Variants in DMD observed in about 807,000 individuals in gnomAD.
DMD encodes mutant dystrophin.
In DMD, 63 loss-of-function variants were observed where a neutral mutation model predicts 330.1. That is an observed-to-expected ratio of 0.19 (90% CI 0.16 to 0.24). The LOEUF (loss-of-function observed/expected upper bound fraction) is 0.24, where lower values mean the gene tolerates loss of function less well. Ranked by LOEUF, DMD falls within the 10% of genes least tolerant of loss-of-function variation. The pLI is 1.00. For missense variants in DMD, 3,344 were observed against 2,684.1 expected (o/e 1.25, Z -5.43); for synonymous variants, 1,223 against 959.8 (o/e 1.27, Z -5.07).
At chrX:31,278,392 G>T (rs1053684600) in intron 62 of DMD, among the ~76,000 whole-genome samples, 6 of 111,220 alleles carry the variant, frequency 5.4e-5, no homozygotes, top group Non-Finnish European at 7.5e-5. Flanking sequence ...AGATTCAGGA[G>T]GGGGAGCAAG....
intron 2 of DMD, among the ~76,000 whole-genome samples, chrX:32,973,446 T>C (rs745533670): frequency 8.9e-6 from 1 of 112,105 alleles, no homozygotes; most frequent in East Asian, 2.8e-4. Context: ...GTGCCCTCCA[T>C]GGCAGGGTCA....
intron 17 of DMD, among the ~76,000 whole-genome samples, chrX:32,531,113 A>G (rs1237111995): frequency 1.8e-5 from 2 of 111,544 alleles, no homozygotes; most frequent in African/African-American, 6.5e-5. Flanking sequence ...TTTTACTTAC[A>G]CAGAAATATA....
In DMD at chrX:31,518,449, A is replaced by C. The variant is rs1168439624; in HGVS notation, c.8218-10996T>G. Among the ~76,000 whole-genome samples, 9 of 111,961 alleles carry C rather than the reference A, an allele frequency of 8.0e-5. No homozygotes were observed. In the Admixed American group the frequency reaches 8.5e-4, roughly 11 times the overall value. On this transcript the variant is annotated intron_variant, in intron 55 of 78. Transcript: ENST00000357033. Reference sequence around the variant, plus strand: ...GATCAGTGCCAACAGTAATCTTGAAAGACCTTAACATGCAAACCCTAGATT... The same window carrying C: ...GATCAGTGCCAACAGTAATCTTGAACGACCTTAACATGCAAACCCTAGATT...
intron 1 of DMD, among the ~76,000 whole-genome samples, chrX:33,106,527 A>G (rs1404950352): frequency 8.9e-6 from 1 of 112,427 alleles, no homozygotes; most frequent in Non-Finnish European, 1.9e-5. Flanking sequence ...GGGCATATTG[A>G]ATATTCCATA....
At chrX:31,572,038 T>C (rs763144172) in intron 55 of DMD, among the ~76,000 whole-genome samples, 1 of 110,930 alleles carries the variant, frequency 9.0e-6, no homozygotes, top group Non-Finnish European at 1.9e-5. Flanking sequence ...AGTAGTTGGC[T>C]TAATACCTCG....
chrX:32,331,403 A>G (rs1013884571), intron 41 of DMD, among the ~76,000 whole-genome samples: 1 of 111,808 alleles, frequency 8.9e-6, no homozygotes, highest in Non-Finnish European at 1.9e-5. Context: ...TTTTAATTTT[A>G]TCAGTAACAT....
At chrX:32,301,234 A>AAAAAG (rs1557268711) in intron 42 of DMD, among the ~76,000 whole-genome samples, 1 of 108,222 alleles carries the variant, frequency 9.2e-6, no homozygotes, top group African/African-American at 3.3e-5. Context: ...AAAAAAAAAA[A>AAAAAG]AAAAGAAAGA....
chrX:32,463,001 A>G (rs112493107), intron 25 of DMD, among the ~76,000 whole-genome samples: 309 of 111,705 alleles, frequency 2.8e-3, no homozygotes, highest in African/African-American at 8.0e-3. Context: ...CGAAGAGGCC[A>G]AACTTGGAAA....
chrX:32,892,412 A>G (rs1449531649), intron 2 of DMD, among the ~76,000 whole-genome samples: 1 of 111,909 alleles, frequency 8.9e-6, no homozygotes, highest in Non-Finnish European at 1.9e-5. Context: ...TGTTTCTTTG[A>G]GACAGAGTTC....
intron 59 of DMD, among the ~76,000 whole-genome samples, chrX:31,469,037 C>T (rs1291807882): frequency 9.0e-6 from 1 of 110,504 alleles, no homozygotes; most frequent in South Asian, 3.9e-4. Context: ...ATTCATCGAT[C>T]CCTTTATTTT....
At chrX:31,811,715 T>C (rs996640444) in intron 50 of DMD, among the ~76,000 whole-genome samples, 4 of 111,485 alleles carry the variant, frequency 3.6e-5, no homozygotes, top group Admixed American at 2.9e-4. Context: ...AGTATAGCCA[T>C]GTCGTAAGTG....
intron 55 of DMD, among the ~76,000 whole-genome samples, chrX:31,560,650 C>T (rs1029475041): frequency 9.0e-6 from 1 of 110,969 alleles, no homozygotes; most frequent in African/African-American, 3.3e-5. Context: ...ATTGGCTGGG[C>T]CCAGCATTTA....
At chrX:32,233,599 TTTTA>T (rs767364915) in intron 43 of DMD, among the ~76,000 whole-genome samples, 6,020 of 87,823 alleles carry the variant, frequency 0.069, 210 homozygotes, top group African/African-American at 0.12. Flanking sequence ...TTTCTTTTTC[TTTTA>T]TTTATTTATT....
chrX:31,350,436 T>G (rs2058327464), intron 60 of DMD, among the ~76,000 whole-genome samples: 1 of 112,298 alleles, frequency 8.9e-6, no homozygotes, highest in African/African-American at 3.2e-5. Context: ...TTGCAATAGA[T>G]TGGAAACTTC....
chrX:31,775,927 T>G lies in DMD; in HGVS notation c.7310-1735A>C, dbSNP rs967689959. Among the ~76,000 whole-genome samples, 7 of 111,867 alleles carry G rather than the reference T, an allele frequency of 6.3e-5. No individual in the cohort carries two copies. In the South Asian group the frequency reaches 2.3e-3, roughly 36 times the overall value. ...TTAATTGTCAGAGAGAATAAAAAAA[T>G]TTGTGTCACGAAACAATGATTGAAA... On this transcript the variant is annotated intron_variant, in intron 50 of 78. Coordinates refer to ENST00000357033, the MANE Select transcript of DMD (RefSeq NM_004006.3).
In DMD at chrX:32,855,924, G is replaced by A. The variant is rs181347608; in HGVS notation, c.94-6104C>T. ...ACTGGCCAACTACCCACCTGACAAG[G>A]AATAACCAAAATCTATAAGGGGCTC... On this transcript the variant is annotated intron_variant, in intron 2 of 78. Coordinates refer to ENST00000357033, the MANE Select transcript of DMD (RefSeq NM_004006.3). 1.4e-3 allele frequency among the ~76,000 whole-genome samples: 153 copies of A among 111,159 alleles called. 1 individual carries two copies. Among genetic ancestry groups the A allele is most frequent in the African/African-American group, 4.7e-3 (144 of 30,612 alleles).
At chrX:32,543,370 A>G (rs1603635919) in intron 17 of DMD, among the ~76,000 whole-genome samples, 1 of 110,297 alleles carries the variant, frequency 9.1e-6, no homozygotes, top group East Asian at 2.9e-4. Flanking sequence ...TCCAAACAGG[A>G]GCCAATAATA....
chrX:33,287,376 C>T (rs1337510212), intron 1 of DMD, among the ~76,000 whole-genome samples: 1 of 110,240 alleles, frequency 9.1e-6, no homozygotes, highest in Non-Finnish European at 1.9e-5. Flanking sequence ...AATGCTACCA[C>T]TTCCGCAGTA....
intron 1 of DMD, among the ~76,000 whole-genome samples, chrX:33,207,041 GC>G (rs1431105249): frequency 1.8e-5 from 2 of 110,057 alleles, no homozygotes; most frequent in African/African-American, 6.6e-5. Context: ...CCTCCGAAAG[GC>G]CCCAGGGTGT....
Sources: allele counts gnomAD v4.1 joint callset (sites outside exome capture counted in the v4.1 genomes callset), GRCh38; gene constraint gnomAD v4.1.1; transcripts MANE v1.5; gene names NCBI Gene and HGNC (gene_info 2026-07-23, HGNC 2026-07-21).